CDHR5: variants seen among roughly 807,000 people sequenced by gnomAD.
CDHR5 encodes cadherin-related family member 5.
Under a neutral mutation model 69.5 loss-of-function variants are expected in CDHR5, and 82 were observed. The ratio of observed to expected loss-of-function variants is 1.18; its 90% CI spans 0.99 to 1.42. The LOEUF is 1.42. Among genes scored for constraint, CDHR5 ranks in the 40% most tolerant of loss-of-function variants. The pLI is 0.00. For synonymous variants in CDHR5, 601 were observed against 510.2 expected (o/e 1.18, Z -2.40); for missense variants, 1,293 against 1,168.9 (o/e 1.11, Z -1.55).
In CDHR5 at chr11:621,783, C is replaced by A; in HGVS notation, c.405+29G>T. Reference sequence around the variant, plus strand: ...CACCCTGGGCTCCCACACCCCCGTGCCCAGTCCCCGCGGCTTCGCTGGCCT... The same window carrying A: ...CACCCTGGGCTCCCACACCCCCGTGACCAGTCCCCGCGGCTTCGCTGGCCT... On this transcript the variant is annotated intron_variant, in intron 4 of 14. Coordinates refer to ENST00000397542, the MANE Select transcript of CDHR5 (RefSeq NM_021924.5). The surrounding 1 kb of genome is among the most constrained non-coding windows in gnomAD (Gnocchi z 4.4). 6.3e-7 allele frequency: 1 copy of A among 1,598,528 alleles called. No homozygotes were observed.
intron 13 of CDHR5, 96 bp downstream of exon 13, chr11:618,503 C>T: frequency 3.5e-6 from 5 of 1,421,504 alleles, no homozygotes; most frequent in Non-Finnish European, 4.8e-6. Context: ...ATTTCATGGT[C>T]AGGCCAGGTC....
rs1295721162 is a variant in CDHR5, at chr11:618,032, C to T, written c.2040G>A (p.Leu680=). 6.2e-7 allele frequency: 1 copy of T among 1,612,378 alleles called. No homozygotes were observed. The highest frequency in any genetic ancestry group is 8.5e-7 in the Non-Finnish European group (1 of 1,179,736). ...GGACGGCGAGGCCAAGGAGAGCCAG[C>T]AGCAGCAGCGCACCCAGCACCCCGC... ...ALGGVLGALL[L]LALLGLAVLV... The change falls in exon 14 of 15, where the codon CTG becomes CTA. Residue 680 remains leucine, a synonymous_variant. Coordinates refer to ENST00000397542, the MANE Select transcript of CDHR5 (RefSeq NM_021924.5).
chr11:624,011 GT>G lies in CDHR5; in HGVS notation c.312+201del, dbSNP rs1415023209. ...GAGTCTTGGGCACACTGGATGGGGT[GT>G]CTGCTGGACAAGGGGTCAGTGACGG... On this transcript the variant is annotated intron_variant, in intron 3 of 14. Transcript: ENST00000397542. This position sits in a 1 kb window ranked among gnomAD's most constrained non-coding sequence, Gnocchi z 5.3. Among the ~76,000 whole-genome samples the G allele has an allele frequency of 6.6e-6, 1 of 152,140 alleles. No homozygotes were observed. Among genetic ancestry groups the G allele is most frequent in the African/African-American group, 2.4e-5 (1 of 41,430 alleles).
chr11:618,916 G>T lies in CDHR5; in HGVS notation c.1643C>A (p.Ser548Tyr). The change falls in exon 13 of 15, where the codon TCT becomes TAT. Residue 548 changes from serine to tyrosine, a missense_variant. Ser to Tyr is a moderately radical substitution (Grantham distance 144, BLOSUM62 -2). Transcript: ENST00000397542. The part of the protein sequence containing the change: ...DTAQTPKPGT[S>Y]QPMPPGVGTS... ...TCCCACACCGGGGGGCATCGGCTGA[G>T]AGGTTCCTGGCTTTGGGGTCTGTGC... 1 of 1,609,228 alleles carries T rather than the reference G, an allele frequency of 6.2e-7. No homozygotes were observed. The highest frequency in any genetic ancestry group is 8.5e-7 in the Non-Finnish European group (1 of 1,177,104).
chr11:617,443 C>A lies in CDHR5; in HGVS notation c.2446G>T (p.Ala816Ser). 6.2e-7 allele frequency: 1 copy of A among 1,612,450 alleles called. No homozygotes were observed. Among genetic ancestry groups the A allele is most frequent in the Non-Finnish European group, 8.5e-7 (1 of 1,179,672 alleles). The change falls in exon 15 of 15, where the codon GCC (alanine) becomes TCC (serine). Residue 816 changes from alanine (A) to serine (S), a missense_variant. Ala to Ser is a moderately conservative substitution (Grantham distance 99, BLOSUM62 1). Transcript: ENST00000397542. ...TCATCGCCGCTGCCGGAGTCACTGG[C>A]GCCATCCACGTCCAGGGTGGGCGCG... is the stretch of plus-strand genomic sequence containing the variant. Reference protein sequence around the residue: ...LNAPTLDVDGASDSGSGDEGE... With the variant: ...LNAPTLDVDGSSDSGSGDEGE...
Position 619,781 on chromosome 11 carries a change from C to T in CDHR5, c.1079G>A (p.Arg360His), listed in dbSNP as rs150210320. The T allele has an allele frequency of 6.5e-5, 104 of 1,609,880 alleles. No homozygotes were observed. Among genetic ancestry groups the T allele is most frequent in the Middle Eastern group, 3.3e-4 (2 of 6,056 alleles). The part of the protein sequence containing the change: ...SPPRFPQRLY[R>H]GTVARGAGAG... ...TCCAGCGCCACGCGCCACGGTGCCACGATACAGTCTCTGGGGGAAGCGGGG... is the reference window on the plus strand; with the variant it reads ...TCCAGCGCCACGCGCCACGGTGCCATGATACAGTCTCTGGGGGAAGCGGGG... The change falls in exon 10 of 15, where the codon CGT (arginine) becomes CAT (histidine). Residue 360 changes from arginine (R) to histidine (H), a missense_variant. Physicochemically the swap from Arg to His is conservative, Grantham distance 29 (BLOSUM62 0). Transcript: ENST00000397542.
At chr11:618,393 A>AC (rs968255193) in intron 13 of CDHR5, among the ~76,000 whole-genome samples, 1 of 152,042 alleles carries the variant, frequency 6.6e-6, no homozygotes, top group African/African-American at 2.4e-5. Flanking sequence ...GATTCGCTGG[A>AC]CCCCACATCT....
At chr11:622,050 C>T (rs1179081957) in intron 3 of CDHR5, 146 bp from the exon 4 acceptor site, 4 of 628,930 alleles carry the variant, frequency 6.4e-6, no homozygotes, top group Non-Finnish European at 1.1e-5. Context: ...CCCTCGACGG[C>T]CACCCGTCCC....
Position 620,549 on chromosome 11 carries a change from T to C in CDHR5, c.790-163A>G, listed in dbSNP as rs113430112. 1.4e-4 allele frequency among the ~76,000 whole-genome samples: 21 copies of C among 152,246 alleles called. 1 individual carries two copies. The highest frequency in any genetic ancestry group is 4.3e-4 in the African/African-American group (18 of 41,538). On this transcript the variant is annotated intron_variant, in intron 7 of 14. Coordinates refer to ENST00000397542, the MANE Select transcript of CDHR5 (RefSeq NM_021924.5). ...CCTAGGACAGTCCCTTGTCCCAGCA[T>C]CACAATCAGTAACACCCCTGTGGGT...
rs1431957231 is a variant in CDHR5 at position 624,331 on chromosome 11, C to T, written c.262-68G>A. On this transcript the variant is annotated intron_variant, in intron 2 of 14. Transcript: ENST00000397542. The surrounding 1 kb of genome is among the most constrained non-coding windows in gnomAD (Gnocchi z 5.3). ...GGTGGGGAGACTGAGGCCAAGTGGG[C>T]AGGCGCTGGCCCAGGGTCCCCATCA... The T allele has an allele frequency of 1.4e-6, 1 of 730,872 alleles. No individual in the cohort carries two copies. The highest frequency in any genetic ancestry group is 2.5e-6 in the Non-Finnish European group (1 of 393,474). 45.3% of individuals were successfully genotyped at this position (730,872 alleles called of 1,614,324 possible). A position where few individuals can be genotyped will look rare whatever the true frequency, so the allele number is the denominator to read the frequency against.
chr11:623,271 T>C (rs569649695), intron 3 of CDHR5, among the ~76,000 whole-genome samples: 1 of 152,282 alleles, frequency 6.6e-6, no homozygotes, highest in South Asian at 2.1e-4. Flanking sequence ...ATCGCTCCAC[T>C]GCACGCCAGC....
In CDHR5 at chr11:624,802, C is replaced by G; in HGVS notation, c.85+16G>C. The G allele has an allele frequency of 6.2e-7, 1 of 1,609,248 alleles. No individual in the cohort carries two copies. On this transcript the variant is annotated intron_variant, in intron 1 of 14. Coordinates refer to ENST00000397542, the MANE Select transcript of CDHR5 (RefSeq NM_021924.5). The surrounding 1 kb of genome is among the most constrained non-coding windows in gnomAD (Gnocchi z 5.3). The stretch of plus-strand genomic sequence containing the variant: ...TCCCCGCCGCCCGTGCCCCACCTAC[C>G]CCTGCCCGCACATACACTGGGCCTG...
At chr11:622,925 A>G (rs146783389) in intron 3 of CDHR5, among the ~76,000 whole-genome samples, 2 of 152,256 alleles carry the variant, frequency 1.3e-5, no homozygotes, top group Non-Finnish European at 2.9e-5. Context: ...GGCCCACATT[A>G]TGGACCTGGT....
At position 621,559 on chromosome 11, in the gene CDHR5, G is replaced by A; in HGVS notation, c.507+3C>T. The A allele has an allele frequency of 6.2e-7, 1 of 1,610,970 alleles. No homozygotes were observed. The highest frequency in any genetic ancestry group is 8.5e-7 in the Non-Finnish European group (1 of 1,177,180). On this transcript the variant is annotated splice_donor_region_variant and intron_variant, in intron 5 of 14. Coordinates refer to ENST00000397542, the MANE Select transcript of CDHR5 (RefSeq NM_021924.5). This position sits in a 1 kb window ranked among gnomAD's most constrained non-coding sequence, Gnocchi z 4.4. ...GTGCTGGGGCAGGGTGGGCGGCACT[G>A]ACTGCTGTCATTTCCTGGAGGGTGT...
At chr11:618,229 C>T (rs757384211) in intron 13 of CDHR5, 118 bp from the exon 14 acceptor site, 6 of 857,332 alleles carry the variant, frequency 7.0e-6, no homozygotes, top group African/African-American at 3.4e-5. Flanking sequence ...GGGCTGTCTC[C>T]CAAATCTCAG....
Position 624,136 on chromosome 11 carries a change from A to C in CDHR5, c.312+77T>G. 1 of 705,846 alleles carries C rather than the reference A, an allele frequency of 1.4e-6. No homozygotes were observed. Among genetic ancestry groups the C allele is most frequent in the South Asian group, 1.5e-5 (1 of 66,558 alleles). The allele number at this position is 705,846 out of a possible 1,614,324, so 43.7% of individuals were successfully genotyped here. A position where few individuals can be genotyped will look rare whatever the true frequency, so the allele number is the denominator to read the frequency against. On this transcript the variant is annotated intron_variant, in intron 3 of 14. Transcript: ENST00000397542. This position sits in a 1 kb window ranked among gnomAD's most constrained non-coding sequence, Gnocchi z 5.3. Reference sequence around the variant, plus strand: ...ACCACACCCTAGCTGACGTCATCAAAGACTGGTCCTGGACCGGCAGGGCAG... The same window carrying C: ...ACCACACCCTAGCTGACGTCATCAACGACTGGTCCTGGACCGGCAGGGCAG...
In CDHR5 at chr11:618,078, A is replaced by T; in HGVS notation, c.1994T>A (p.Val665Glu). The change falls in exon 14 of 15, where the codon GTG becomes GAG. Residue 665 changes from valine (V) to glutamate (E), a missense_variant. Val to Glu is a moderately radical substitution (Grantham distance 121, BLOSUM62 -2). Transcript: ENST00000397542. ...CCCGCCCAGGGCCGCCATATCCACC[A>T]CCGAGAAGCGCTTGTCCTCCGAGGG... ...GGPSEDKRFS[V>E]VDMAALGGVL... 1 of 1,611,868 alleles carries T rather than the reference A, an allele frequency of 6.2e-7. No homozygotes were observed. Among genetic ancestry groups the T allele is most frequent in the Non-Finnish European group, 8.5e-7 (1 of 1,179,404 alleles).
rs747491874 is a variant in CDHR5 at position 621,706 on chromosome 11, C to T, written c.406-43G>A. 1 of 1,556,640 alleles carries T rather than the reference C, an allele frequency of 6.4e-7. No homozygotes were observed. The highest frequency in any genetic ancestry group is 8.9e-7 in the Non-Finnish European group (1 of 1,128,646). ...CTTGGTCCGGCCACACTCTTGGCCC[C>T]TGTGGACCCCCACTGTGGTTGAGCC... On this transcript the variant is annotated intron_variant, in intron 4 of 14. Coordinates refer to ENST00000397542, the MANE Select transcript of CDHR5 (RefSeq NM_021924.5). This position sits in a 1 kb window ranked among gnomAD's most constrained non-coding sequence, Gnocchi z 4.4.
rs1020995033 is a variant in CDHR5, at chr11:617,019, C to T, written c.*332G>A. On this transcript the variant is annotated 3_prime_UTR_variant, in exon 15 of 15. Coordinates refer to ENST00000397542, the MANE Select transcript of CDHR5 (RefSeq NM_021924.5). ...GGTGCAGGTCGGGGGAGGGGAGCCC[C>T]CCTCGGGCTGTGGTTAGAGCGGGAG... 2 of 345,724 alleles carry T rather than the reference C, an allele frequency of 5.8e-6. No individual in the cohort carries two copies. The highest frequency in any genetic ancestry group is 5.3e-6 in the Non-Finnish European group (1 of 187,898). 21.4% of individuals were successfully genotyped at this position (345,724 alleles called of 1,614,324 possible).
Sources: allele counts gnomAD v4.1 joint callset (sites outside exome capture counted in the v4.1 genomes callset), GRCh38; gene constraint gnomAD v4.1.1; non-coding constraint Gnocchi (gnomAD v3.1); transcripts MANE v1.5; gene names NCBI Gene and HGNC (gene_info 2026-07-23, HGNC 2026-07-21).